The following ZNF536 variants were observed in gnomAD, a reference collection of about 807,000 sequenced individuals.
ZNF536 encodes zinc finger protein 536.
Under a neutral mutation model 84.5 loss-of-function variants are expected in ZNF536, and 13 were observed. The ratio of observed to expected loss-of-function variants is 0.15; its 90% CI spans 0.10 to 0.24. The LOEUF is 0.24. Among genes scored for constraint, ZNF536 ranks in the 10% least tolerant of loss-of-function variants. The pLI, the probability that ZNF536 is intolerant of heterozygous loss-of-function variation, is 1.00. For synonymous variants in ZNF536, 811 were observed against 742.5 expected (o/e 1.09, Z -1.50); for missense variants, 1,536 against 1,747.5 (o/e 0.88, Z 2.16).
chr19:30,259,463 C>T (rs890598135), intron 1 of ZNF536, among the ~76,000 whole-genome samples: 10 of 152,224 alleles, frequency 6.6e-5, no homozygotes, highest in African/African-American at 2.2e-4. Flanking sequence ...CCGGGCCTCA[C>T]CCCAGACCCA....
At chr19:30,386,771 G>T (rs2049359428) in intron 1 of ZNF536, among the ~76,000 whole-genome samples, 1 of 152,210 alleles carries the variant, frequency 6.6e-6, no homozygotes, top group Non-Finnish European at 1.5e-5. Context: ...GCACAGCCAG[G>T]GCTATAGGTA....
chr19:30,404,319 G>A (rs1008229562), intron 1 of ZNF536, among the ~76,000 whole-genome samples: 1 of 151,040 alleles, frequency 6.6e-6, no homozygotes, highest in Non-Finnish European at 1.5e-5. Context: ...CAGGCCAGAG[G>A]GGGACACTGT....
intron 1 of ZNF536, among the ~76,000 whole-genome samples, chr19:30,681,868 CA>C (rs1448045777): frequency 6.6e-6 from 1 of 152,128 alleles, no homozygotes; most frequent in South Asian, 2.1e-4. Context: ...CTGGAATCCG[CA>C]ATGGTGTCAG....
At chr19:30,516,754 C>G (rs572611349) in intron 2 of ZNF536, among the ~76,000 whole-genome samples, 6 of 152,276 alleles carry the variant, frequency 3.9e-5, no homozygotes, top group African/African-American at 1.4e-4. Context: ...TAGAAATGTT[C>G]AGAAAAGGTT....
rs766273786 is a variant in ZNF536, at chr19:30,548,446, G to T, written c.2827G>T (p.Asp943Tyr). 14 of 1,614,042 alleles carry T rather than the reference G, an allele frequency of 8.7e-6. No individual in the cohort carries two copies. The highest frequency in any genetic ancestry group is 1.3e-5 in the African/African-American group (1 of 74,936). The change falls in exon 4 of 5, where the codon GAC (aspartate) becomes TAC (tyrosine). Residue 943 changes from aspartate to tyrosine, a missense_variant. This residue lies in a region of ZNF536 where 624 missense variants were observed against 603.1 expected (regional missense o/e 1.03). Transcript: ENST00000355537. ...GGACATGAAGGACAAAGCCCTGGCT[G>T]ACCCCCCTTCCATGAAAGTCCACGG... ...EKDMKDKALADPPSMKVHGVD... is the reference protein window; with the variant it reads ...EKDMKDKALAYPPSMKVHGVD...
intron 2 of ZNF536, among the ~76,000 whole-genome samples, chr19:30,524,992 T>C (rs2044516275): frequency 6.6e-6 from 1 of 152,242 alleles, no homozygotes. Flanking sequence ...TGCTCTTCTA[T>C]GGGTGAGTAT....
intron 2 of ZNF536, among the ~76,000 whole-genome samples, chr19:30,507,545 T>C (rs2055225566): frequency 6.6e-6 from 1 of 152,022 alleles, no homozygotes; most frequent in Admixed American, 6.6e-5. Context: ...AGACAGAAAC[T>C]TAGAGTTTGA....
At chr19:30,509,337 T>C (rs1391880524) in intron 2 of ZNF536, among the ~76,000 whole-genome samples, 1 of 148,344 alleles carries the variant, frequency 6.7e-6, no homozygotes, top group Non-Finnish European at 1.5e-5. Context: ...ATGTATAAGA[T>C]ATGATTATAA....
chr19:30,463,437 A>G (rs1306781502), intron 2 of ZNF536, among the ~76,000 whole-genome samples: 1 of 152,128 alleles, frequency 6.6e-6, no homozygotes, highest in Non-Finnish European at 1.5e-5. Flanking sequence ...CACCTCCTGG[A>G]AGAAGCTGGG....
intron 1 of ZNF536, among the ~76,000 whole-genome samples, chr19:30,646,727 C>T (rs942010987): frequency 6.6e-6 from 1 of 152,214 alleles, no homozygotes; most frequent in Admixed American, 6.5e-5. Context: ...ATGTATTCAT[C>T]ATATTTCAAT....
chr19:30,666,031 A>G (rs2050304363), intron 1 of ZNF536, among the ~76,000 whole-genome samples: 1 of 152,174 alleles, frequency 6.6e-6, no homozygotes. Flanking sequence ...AAGGGCTCTG[A>G]GGAGGGACCC....
At chr19:30,629,532 G>A (rs773153238) in intron 1 of ZNF536, among the ~76,000 whole-genome samples, 40 of 152,328 alleles carry the variant, frequency 2.6e-4, no homozygotes, top group Admixed American at 1.0e-3. Context: ...ACGGTGCAAC[G>A]AAGTGGACGT....
rs772761287 is a variant in ZNF536 at position 30,545,385 on chromosome 19, C to CTTTTTTTTTTTTTTT, written c.2324-2542_2324-2528dup. 1.5e-4 allele frequency among the ~76,000 whole-genome samples: 10 copies of CTTTTTTTTTTTTTTT among 67,678 alleles called. 2 individuals are homozygous for CTTTTTTTTTTTTTTT. Among genetic ancestry groups the CTTTTTTTTTTTTTTT allele is most frequent in the African/African-American group, 3.0e-4 (5 of 16,732 alleles). The allele number at this position is 67,678 out of a possible 152,430, so 44.4% of individuals were successfully genotyped here. Reference sequence around the variant, plus strand: ...TTAAGTACTACCCGCTCCCATATGTCTTTTTTTTTTTTTTTTTTTTTTTTT... The same window carrying CTTTTTTTTTTTTTTT: ...TTAAGTACTACCCGCTCCCATATGTCTTTTTTTTTTTTTTTTTTTTTTTTTTTTTTTTTTTTTTTT... On this transcript the variant is annotated intron_variant, in intron 3 of 4. Coordinates refer to ENST00000355537, the MANE Select transcript of ZNF536 (RefSeq NM_014717.3).
chr19:30,645,676 C>A (rs1044492597), intron 1 of ZNF536, among the ~76,000 whole-genome samples: 1 of 152,166 alleles, frequency 6.6e-6, no homozygotes, highest in Non-Finnish European at 1.5e-5. Flanking sequence ...GTGTCTATAT[C>A]CATATCTTCT....
downstream of ZNF536, among the ~76,000 whole-genome samples, chr19:30,558,615 C>A (rs531403070): frequency 6.6e-6 from 1 of 152,314 alleles, no homozygotes; most frequent in East Asian, 1.9e-4. Flanking sequence ...CTGTAACAGG[C>A]TTTTGCCTGT....
intron 1 of ZNF536, among the ~76,000 whole-genome samples, chr19:30,393,793 G>A (rs868586780): frequency 3.9e-5 from 6 of 152,198 alleles, no homozygotes; most frequent in South Asian, 2.1e-4. Context: ...TTGAGGCGAC[G>A]CCACAGAGGC....
chr19:30,273,012 A>C (rs186972800), intron 1 of ZNF536, among the ~76,000 whole-genome samples: 9 of 152,152 alleles, frequency 5.9e-5, no homozygotes, highest in Non-Finnish European at 1.3e-4. Flanking sequence ...TCCCAGGCTA[A>C]AGCAATCATC....
chr19:30,527,874 A>G (rs1274248165), intron 2 of ZNF536, among the ~76,000 whole-genome samples: 1 of 152,198 alleles, frequency 6.6e-6, no homozygotes. Flanking sequence ...AAGCCCTGGC[A>G]TACGTGGGCA....
intron 3 of ZNF536, among the ~76,000 whole-genome samples, chr19:30,536,152 C>G (rs1205049395): frequency 6.6e-6 from 1 of 152,184 alleles, no homozygotes; most frequent in Non-Finnish European, 1.5e-5. Flanking sequence ...CCTCATGCGA[C>G]CTGCCCATGC....
Sources: allele counts gnomAD v4.1 joint callset (sites outside exome capture counted in the v4.1 genomes callset), GRCh38; gene constraint gnomAD v4.1.1; regional missense constraint gnomAD v4.1.1; transcripts MANE v1.5; gene names NCBI Gene and HGNC (gene_info 2026-07-23, HGNC 2026-07-21).